Variants in KIAA0586 observed in about 807,000 individuals in gnomAD.
KIAA0586 encodes KIAA0586.
In KIAA0586, 144 loss-of-function variants were observed where a neutral mutation model predicts 169.8. The ratio of observed to expected loss-of-function variants is 0.85; its 90% CI spans 0.74 to 0.97. The LOEUF is 0.97. Ranked by LOEUF, KIAA0586 falls within the 50% of genes least tolerant of loss-of-function variation. The pLI, the probability that KIAA0586 is intolerant of heterozygous loss-of-function variation, is 0.00. For missense variants in KIAA0586, 1,854 were observed against 1,823.0 expected (o/e 1.02, Z -0.31); for synonymous variants, 625 against 612.4 (o/e 1.02, Z -0.30).
intron 25 of KIAA0586, among the ~76,000 whole-genome samples, chr14:58,490,593 A>G (rs1377686151): frequency 6.6e-6 from 1 of 152,028 alleles, no homozygotes; most frequent in East Asian, 1.9e-4. Flanking sequence ...TACATTTGTT[A>G]TTTTTCCCTA....
chr14:58,477,088 A>G lies in KIAA0586; in HGVS notation c.2826-35A>G, dbSNP rs371602675. The G allele has an allele frequency of 7.0e-6, 8 of 1,135,780 alleles. No homozygotes were observed. The East Asian group carries it at 1.3e-4, about 18-fold the overall frequency. 70.4% of individuals were successfully genotyped at this position (1,135,780 alleles called of 1,614,324 possible). A position where few individuals can be genotyped will look rare whatever the true frequency, so the allele number is the denominator to read the frequency against. On this transcript the variant is annotated intron_variant, in intron 19 of 30. Coordinates refer to ENST00000652326, the MANE Select transcript of KIAA0586 (RefSeq NM_001329943.3). ...TTTTTACATTTCAATCAAATTGAGGAATCTTAACTTTTATCTGCCCCACCA... is the reference window on the plus strand; with the variant it reads ...TTTTTACATTTCAATCAAATTGAGGGATCTTAACTTTTATCTGCCCCACCA...
chr14:58,448,341 C>T lies in KIAA0586; in HGVS notation c.809C>T (p.Thr270Ile). The part of the protein sequence containing the change: ...KLQQQQIDIQ[T>I]HFISAALKTS... ...ATAAAATAATCTTATTTCTTCTAGA[C>T]TCATTTTATTAGTGCTGCACTCAAG... The change falls in exon 7 of 31, where the codon ACT becomes ATT. Residue 270 changes from threonine to isoleucine, a missense_variant and splice_region_variant. Transcript: ENST00000652326. 6.5e-7 allele frequency: 1 copy of T among 1,536,734 alleles called. No homozygotes were observed. Among genetic ancestry groups the T allele is most frequent in the Non-Finnish European group, 8.9e-7 (1 of 1,127,282 alleles).
intron 27 of KIAA0586, among the ~76,000 whole-genome samples, chr14:58,504,095 A>G (rs2043768982): frequency 6.6e-6 from 1 of 152,200 alleles, no homozygotes; most frequent in Non-Finnish European, 1.5e-5. Context: ...ATTGTAAGTA[A>G]ATGAGTGATG....
the KIAA0586 span, among the ~76,000 whole-genome samples, chr14:58,561,035 G>A: frequency 6.6e-6 from 1 of 152,184 alleles, no homozygotes; most frequent in African/African-American, 2.4e-5. Flanking sequence ...CAGGGAGACT[G>A]TCCACAGAAG....
At chr14:58,476,406 A>G (rs916782603) in intron 19 of KIAA0586, among the ~76,000 whole-genome samples, 3 of 152,076 alleles carry the variant, frequency 2.0e-5, no homozygotes, top group African/African-American at 4.8e-5. Context: ...AATACAGCCT[A>G]TATGTGTATT....
At chr14:58,434,881 C>T (rs1476098565) in intron 4 of KIAA0586, among the ~76,000 whole-genome samples, 1 of 152,058 alleles carries the variant, frequency 6.6e-6, no homozygotes, top group Admixed American at 6.6e-5. Flanking sequence ...AGTAATCCTA[C>T]AACCTGAGGT....
At chr14:58,518,702 T>A (rs1030163298) in intron 29 of KIAA0586, among the ~76,000 whole-genome samples, 2 of 152,240 alleles carry the variant, frequency 1.3e-5, no homozygotes, top group African/African-American at 4.8e-5. Context: ...TCTATATGCC[T>A]ACAAATTACT....
intron 27 of KIAA0586, among the ~76,000 whole-genome samples, chr14:58,505,826 T>C (rs760115597): frequency 9.9e-5 from 15 of 152,200 alleles, no homozygotes; most frequent in Non-Finnish European, 1.8e-4. Context: ...CTACTATTTG[T>C]ATTGTAAATA....
intron 29 of KIAA0586, among the ~76,000 whole-genome samples, chr14:58,528,825 G>T (rs1426941524): frequency 6.6e-6 from 1 of 152,130 alleles, no homozygotes; most frequent in Non-Finnish European, 1.5e-5. Flanking sequence ...AAATTCAAAA[G>T]CTAGCGGAAG....
chr14:58,489,530 A>ATTTT (rs918586513), intron 24 of KIAA0586, among the ~76,000 whole-genome samples: 1 of 148,688 alleles, frequency 6.7e-6, no homozygotes, highest in African/African-American at 2.5e-5. Flanking sequence ...TGAAACCTGA[A>ATTTT]TTTTTTTTTT....
intron 27 of KIAA0586, among the ~76,000 whole-genome samples, chr14:58,499,275 C>T (rs922786568): frequency 2.0e-5 from 3 of 152,040 alleles, no homozygotes; most frequent in East Asian, 1.9e-4. Context: ...TATTTAGAGA[C>T]GGAGTCTTGC....
At chr14:58,519,801 A>G (rs1431088221) in intron 29 of KIAA0586, among the ~76,000 whole-genome samples, 1 of 152,214 alleles carries the variant, frequency 6.6e-6, no homozygotes, top group African/African-American at 2.4e-5. Context: ...TTTGATGATT[A>G]CATCATTTGC....
chr14:58,490,188 T>C lies in KIAA0586; in HGVS notation c.3806T>C (p.Leu1269Pro). 2 of 1,524,154 alleles carry C rather than the reference T, an allele frequency of 1.3e-6. No individual in the cohort carries two copies. The highest frequency in any genetic ancestry group is 1.8e-6 in the Non-Finnish European group (2 of 1,124,710). 94.4% of individuals were successfully genotyped at this position (1,524,154 alleles called of 1,614,324 possible). A position where few individuals can be genotyped will look rare whatever the true frequency, so the allele number is the denominator to read the frequency against. The part of the protein sequence containing the change: ...PKILEDIGLY[L>P]TNLNDSLSST... ...GTTTTAGAAGATATAGGACTGTACC[T>C]GACAAACCTTAATGATAGCTTATCC... Residue 1269 changes from leucine to proline, a missense_variant, in exon 25 of 31, where the codon CTG (leucine) becomes CCG (proline). Transcript: ENST00000652326.
At chr14:58,560,015 A>G in the KIAA0586 span, among the ~76,000 whole-genome samples, 2 of 151,942 alleles carry the variant, frequency 1.3e-5, no homozygotes, top group Non-Finnish European at 2.9e-5. Flanking sequence ...GCTGAGCATG[A>G]TGGCACGCGC....
At chr14:58,500,925 G>A (rs911296527) in intron 27 of KIAA0586, among the ~76,000 whole-genome samples, 3 of 152,224 alleles carry the variant, frequency 2.0e-5, no homozygotes, top group Middle Eastern at 3.4e-3. Flanking sequence ...ATGCATGTTA[G>A]GTAATTTAAG....
At chr14:58,439,024 G>A (rs2038065151) in intron 4 of KIAA0586, among the ~76,000 whole-genome samples, 1 of 152,216 alleles carries the variant, frequency 6.6e-6, no homozygotes, top group African/African-American at 2.4e-5. Flanking sequence ...AAACCTTACG[G>A]TTGAGAGAGA....
At chr14:58,493,929 C>T (rs559916152) in intron 26 of KIAA0586, among the ~76,000 whole-genome samples, 29 of 152,156 alleles carry the variant, frequency 1.9e-4, no homozygotes, top group Middle Eastern at 3.4e-3. Context: ...GCAAATGGTA[C>T]AAAAAGAGGT....
intron 29 of KIAA0586, chr14:58,537,247 A>C (rs1316007992): frequency 1.1e-6 from 1 of 926,208 alleles, no homozygotes; most frequent in East Asian, 1.1e-4. Flanking sequence ...TTTAACTGTT[A>C]AGACGTATCA....
intron 28 of KIAA0586, among the ~76,000 whole-genome samples, chr14:58,509,895 A>G (rs1010959184): frequency 3.3e-5 from 5 of 152,218 alleles, no homozygotes; most frequent in African/African-American, 1.2e-4. Flanking sequence ...TTAAAAGGCA[A>G]GCCACTGACT....
Sources: allele counts gnomAD v4.1 joint callset (sites outside exome capture counted in the v4.1 genomes callset), GRCh38; gene constraint gnomAD v4.1.1; transcripts MANE v1.5; gene names NCBI Gene and HGNC (gene_info 2026-07-23, HGNC 2026-07-21).